The following HNF4A variants were observed in gnomAD, a reference collection of about 807,000 sequenced individuals.
HNF4A encodes the protein hepatocyte nuclear factor 4 alpha.
A neutral mutation model predicts 52.4 loss-of-function variants in HNF4A; 15 were observed. The ratio of observed to expected loss-of-function variants is 0.29; its 90% CI spans 0.19 to 0.44. HNF4A has a LOEUF of 0.44. HNF4A is among the 20% of genes least tolerant of loss of function. The probability of loss-of-function intolerance (pLI) is 1.00; values close to 1 mark genes in which losing one functional copy is unlikely to be tolerated. For missense variants in HNF4A, 479 were observed against 647.2 expected, an observed-to-expected ratio of 0.74 and a Z score of 2.82; for synonymous variants, 280 against 264.4, an observed-to-expected ratio of 1.06 and a Z score of -0.57.
At chr20:44,393,175 G>A (rs538886225) in intron 1 of HNF4A, among the ~76,000 whole-genome samples, 14 of 152,328 alleles carry the variant, frequency 9.2e-5, no homozygotes, top group Non-Finnish European at 1.8e-4. Flanking sequence ...CACAAGGGCC[G>A]GGAAGGCCGC....
rs1437686101 is a variant in HNF4A at position 44,407,554 on chromosome 20, G to C, written c.385+79G>C. 1.2e-5 allele frequency: 12 copies of C among 1,001,164 alleles called. No homozygotes were observed. In the East Asian group the frequency reaches 3.1e-4, roughly 26 times the overall value. 62.0% of individuals were successfully genotyped at this position (1,001,164 alleles called of 1,614,324 possible). ...TCCCCGACAGTCATTTACAACTGTA[G>C]CCACACTTTATGACTCAGTGGCAGG... is the stretch of plus-strand genomic sequence containing the variant. On this transcript the variant is annotated intron_variant, in intron 3 of 9. Transcript: ENST00000316099.
Position 44,424,106 on chromosome 20 carries a change from G to C in HNF4A, c.981G>C (p.Gln327His). Residue 327 changes from glutamine to histidine, a missense_variant, in exon 8 of 10, where the codon CAG (glutamine) becomes CAC (histidine). By Grantham distance (24) the Gln-to-His change is conservative (BLOSUM62 0). Around this residue, in one of 3 missense-constraint regions of HNF4A, gnomAD observed 389 missense variants for 525.1 expected, o/e 0.74. Coordinates refer to ENST00000316099, the MANE Select transcript of HNF4A (RefSeq NM_000457.6). ...TGGAGGACTACATCAACGACCGCCA[G>C]TATGACTCGCGTGGCCGCTTTGGAG... 6.2e-7 allele frequency: 1 copy of C among 1,613,510 alleles called. No individual in the cohort carries two copies. Among genetic ancestry groups the C allele is most frequent in the Non-Finnish European group, 8.5e-7 (1 of 1,179,990 alleles).
intron 3 of HNF4A, chr20:44,408,009 A>G (rs8121034): frequency 0.2 from 42,160 of 211,528 alleles, 4,679 homozygotes; most frequent in South Asian, 0.27. Context: ...ACAAGACCCC[A>G]GACCCATCCT....
chr20:44,394,996 C>T (rs2063340163), intron 1 of HNF4A, among the ~76,000 whole-genome samples: 1 of 152,204 alleles, frequency 6.6e-6, no homozygotes, highest in African/African-American at 2.4e-5. Context: ...CACTGGCCTT[C>T]AGCCCCAAGC....
At chr20:44,361,293 G>T (rs1363553580) in intron 1 of HNF4A, among the ~76,000 whole-genome samples, 1 of 152,170 alleles carries the variant, frequency 6.6e-6, no homozygotes, top group Non-Finnish European at 1.5e-5. Flanking sequence ...GTGACTTAGG[G>T]TATGCAGTTC....
chr20:44,390,167 C>G (rs1403016491), intron 1 of HNF4A, among the ~76,000 whole-genome samples: 1 of 151,842 alleles, frequency 6.6e-6, no homozygotes, highest in Non-Finnish European at 1.5e-5. Context: ...GAAGCCTGCA[C>G]TCTTCTAGAA....
At chr20:44,389,470 C>CTTAAATTCACATTTT (rs2063275640) in intron 1 of HNF4A, among the ~76,000 whole-genome samples, 1 of 152,202 alleles carries the variant, frequency 6.6e-6, no homozygotes, top group Non-Finnish European at 1.5e-5. Flanking sequence ...TCTTGTGTAT[C>CTTAAATTCACATTTT]TTAAATTCAC....
intron 1 of HNF4A, among the ~76,000 whole-genome samples, chr20:44,381,444 C>CT (rs748649232): frequency 2.0e-5 from 3 of 151,978 alleles, no homozygotes; most frequent in Non-Finnish European, 4.4e-5. Flanking sequence ...CCACATCTGG[C>CT]TTATTTTTGT....
intron 8 of HNF4A, among the ~76,000 whole-genome samples, chr20:44,427,536 G>A (rs535080603): frequency 1.1e-4 from 16 of 152,110 alleles, no homozygotes; most frequent in East Asian, 9.6e-4. Context: ...TTCCATCATC[G>A]TCATATTACT....
At chr20:44,368,134 G>GTATACA (rs1426264904) in intron 1 of HNF4A, among the ~76,000 whole-genome samples, 14 of 56,390 alleles carry the variant, frequency 2.5e-4, no homozygotes, top group African/African-American at 1.1e-3. Context: ...GTGTGTGTGT[G>GTATACA]TATATACATA....
In HNF4A at chr20:44,401,351, C is replaced by T; in HGVS notation, c.-22C>T. 6.2e-7 allele frequency: 1 copy of T among 1,613,840 alleles called. No homozygotes were observed. The highest frequency in any genetic ancestry group is 1.1e-5 in the South Asian group (1 of 91,072). On this transcript the variant is annotated 5_prime_UTR_variant, in exon 1 of 10. Transcript: ENST00000316099. ...TGGGCGCCCAGGGTAGGGCAGGTGG[C>T]CGCGGCGTGGAGGCAGGGAGAATGC...
At chr20:44,423,402 T>C (rs532960498) in intron 7 of HNF4A, among the ~76,000 whole-genome samples, 2 of 152,180 alleles carry the variant, frequency 1.3e-5, no homozygotes, top group South Asian at 4.1e-4. Flanking sequence ...AACAATTACA[T>C]CCTGTGTGGT....
At chr20:44,376,043 G>C (rs1423956317) in intron 1 of HNF4A, among the ~76,000 whole-genome samples, 11 of 151,982 alleles carry the variant, frequency 7.2e-5, no homozygotes, top group Non-Finnish European at 1.3e-4. Context: ...TTAAGAGTTT[G>C]AGATCAGCCT....
intron 7 of HNF4A, among the ~76,000 whole-genome samples, chr20:44,423,640 A>T (rs539248819): frequency 6.6e-6 from 1 of 152,210 alleles, no homozygotes; most frequent in Non-Finnish European, 1.5e-5. Context: ...CCAAGTTCCC[A>T]TTGTGGCTCT....
chr20:44,419,898 C>T, intron 7 of HNF4A, 22 bp downstream of exon 7: 1 of 1,612,106 alleles, frequency 6.2e-7, no homozygotes, highest in Non-Finnish European at 8.5e-7. Context: ...ACCTCCTAAG[C>T]CATCCCTGAC....
At chr20:44,395,409 G>T (rs2425637) in intron 1 of HNF4A, 64,180 of 152,334 alleles carry the variant, frequency 0.42, 15,263 homozygotes, top group Admixed American at 0.58. Context: ...GGTGGTATGA[G>T]TGGCATTTTA....
At chr20:44,422,674 T>C (rs927291817) in intron 7 of HNF4A, among the ~76,000 whole-genome samples, 2 of 147,614 alleles carry the variant, frequency 1.4e-5, no homozygotes, top group African/African-American at 4.9e-5. Context: ...TATATATTTA[T>C]ATATAAATAT....
chr20:44,431,903 C>T lies in HNF4A; in HGVS notation c.*2238C>T, dbSNP rs903906620. 9.9e-5 allele frequency: 15 copies of T among 152,274 alleles called. No homozygotes were observed. The highest frequency in any genetic ancestry group is 3.6e-4 in the African/African-American group (15 of 41,416). 9.4% of individuals were successfully genotyped at this position (152,274 alleles called of 1,614,324 possible). Reference sequence around the variant, plus strand: ...GGAATCACCACATCCCTACGGCAGTCCCAGCCAAGCCCCCAATCCCAGCGG... The same window carrying T: ...GGAATCACCACATCCCTACGGCAGTTCCAGCCAAGCCCCCAATCCCAGCGG... On this transcript the variant is annotated 3_prime_UTR_variant, in exon 10 of 10. Transcript: ENST00000316099.
chr20:44,368,618 A>G (rs2062998385), intron 1 of HNF4A, among the ~76,000 whole-genome samples: 2 of 152,272 alleles, frequency 1.3e-5, no homozygotes, highest in South Asian at 2.1e-4. Flanking sequence ...AAGGGGATAG[A>G]GGCAAGAGTG....
Sources: allele counts gnomAD v4.1 joint callset (sites outside exome capture counted in the v4.1 genomes callset), GRCh38; gene constraint gnomAD v4.1.1; regional missense constraint gnomAD v4.1.1; transcripts MANE v1.5; gene names NCBI Gene and HGNC (gene_info 2026-07-23, HGNC 2026-07-21).